POLQ: variants seen among roughly 807,000 people sequenced by gnomAD.
POLQ encodes DNA polymerase theta, also known as epididymis secretory sperm binding protein.
POLQ carries 233 observed loss-of-function variants against 259.2 expected under a neutral mutation model. The observed-to-expected ratio is 0.90, with a 90% confidence interval of 0.81 to 1.00. POLQ has a LOEUF of 1.00. Ranked by LOEUF, POLQ falls within the 50% of genes least tolerant of loss-of-function variation. The pLI, the probability that POLQ is intolerant of heterozygous loss-of-function variation, is 0.00. For synonymous variants in POLQ, 1,025 were observed against 1,048.8 expected (o/e 0.98, Z 0.44); for missense variants, 2,871 against 3,051.6 (o/e 0.94, Z 1.39).
At chr3:121,471,600 G>A (rs969036322) in intron 22 of POLQ, among the ~76,000 whole-genome samples, 3 of 152,030 alleles carry the variant, frequency 2.0e-5, no homozygotes, top group Non-Finnish European at 4.4e-5. Flanking sequence ...AAATTAGCCA[G>A]ATGTGGTGGT....
intron 20 of POLQ, among the ~76,000 whole-genome samples, chr3:121,473,880 C>T (rs1188072403): frequency 2.0e-5 from 3 of 152,050 alleles, no homozygotes; most frequent in Admixed American, 2.0e-4. Flanking sequence ...GCATGCACCA[C>T]CATGCCCACC....
chr3:121,523,603 T>C lies in POLQ; in HGVS notation c.1109-1454A>G, dbSNP rs979717778. Among the ~76,000 whole-genome samples the C allele has an allele frequency of 8.5e-5, 13 of 152,190 alleles. No homozygotes were observed. The East Asian group carries it at 2.5e-3, about 29-fold the overall frequency. ...GGTGGCATGCACCTATAGACCCAGC[T>C]ACTCGGGAGGCTGAAGTGGGAGGAT... On this transcript the variant is annotated intron_variant, in intron 7 of 29. Coordinates refer to ENST00000264233, the MANE Select transcript of POLQ (RefSeq NM_199420.4).
At chr3:121,501,350 T>C (rs2048166001) in intron 12 of POLQ, among the ~76,000 whole-genome samples, 1 of 151,936 alleles carries the variant, frequency 6.6e-6, no homozygotes, top group Non-Finnish European at 1.5e-5. Flanking sequence ...AAAATTTTGC[T>C]AGCAAATCCA....
intron 5 of POLQ, among the ~76,000 whole-genome samples, chr3:121,534,618 GC>G: frequency 6.6e-6 from 1 of 152,270 alleles, no homozygotes; most frequent in East Asian, 1.9e-4. Context: ...ACCATGCTTG[GC>G]CTTTTTTCTA....
At chr3:121,439,923 A>AAATACTAC (rs2047575824) in intron 27 of POLQ, 69 bp downstream of exon 27, 2 of 1,349,482 alleles carry the variant, frequency 1.5e-6, no homozygotes, top group African/African-American at 2.9e-5. Context: ...TATTTGTAGT[A>AAATACTAC]TTTACTCTGC....
chr3:121,432,903 G>A lies in POLQ; in HGVS notation c.7659+15C>T, dbSNP rs769207465. On this transcript the variant is annotated intron_variant, in intron 29 of 29. Transcript: ENST00000264233. ...TTGTCTTCCTATGGAATGGACACAA[G>A]CATTGCAAAAATACCTGAACAACAT... 1.5e-6 allele frequency: 2 copies of A among 1,359,866 alleles called. No homozygotes were observed. Among genetic ancestry groups the A allele is most frequent in the East Asian group, 2.3e-5 (1 of 43,736 alleles). The allele number at this position is 1,359,866 out of a possible 1,614,324, so 84.2% of individuals were successfully genotyped here. A position where few individuals can be genotyped will look rare whatever the true frequency, so the allele number is the denominator to read the frequency against.
At chr3:121,447,331 C>T (rs1023601272) in intron 26 of POLQ, among the ~76,000 whole-genome samples, 21 of 151,822 alleles carry the variant, frequency 1.4e-4, no homozygotes, top group East Asian at 1.9e-4. Context: ...TCATCATGCC[C>T]GGCTAATTTT....
At chr3:121,512,236 AT>A (rs1218324120) in intron 9 of POLQ, among the ~76,000 whole-genome samples, 1 of 152,218 alleles carries the variant, frequency 6.6e-6, no homozygotes, top group Non-Finnish European at 1.5e-5. Flanking sequence ...CAGCATAAGG[AT>A]TATTTTGAGC....
At chr3:121,435,647 A>G (rs2108772096) in intron 28 of POLQ, among the ~76,000 whole-genome samples, 1 of 152,352 alleles carries the variant, frequency 6.6e-6, no homozygotes, top group Admixed American at 6.5e-5. Flanking sequence ...TGAGACATGC[A>G]TCATCCCAGA....
intron 7 of POLQ, among the ~76,000 whole-genome samples, chr3:121,525,944 C>T (rs1214023538): frequency 1.3e-5 from 2 of 152,174 alleles, no homozygotes; most frequent in Non-Finnish European, 2.9e-5. Flanking sequence ...CATACCTCCA[C>T]CTTTTTTTGC....
In POLQ at chr3:121,449,393, T is replaced by A. The variant is rs2047655340; in HGVS notation, c.7186A>T (p.Lys2396Ter). Reference protein sequence around the residue: ...CYGIIYGMGAKSLGEQMGIKE... With the variant: ...CYGIIYGMGA ...ATGCCCATCTGCTCTCCCAAAGATT[T>A]AGCTCCCATTCCATAAATGATCCCA... Residue 2396 changes from lysine (K) to a stop codon, truncating the protein, a stop_gained, in exon 26 of 30, where the codon AAA becomes TAA. Transcript: ENST00000264233. LOFTEE classifies it high-confidence loss of function. 1 of 1,602,646 alleles carries A rather than the reference T, an allele frequency of 6.2e-7. No homozygotes were observed. Among genetic ancestry groups the A allele is most frequent in the African/African-American group, 1.3e-5 (1 of 74,690 alleles).
At chr3:121,474,946 A>G (rs2108791445) in intron 20 of POLQ, among the ~76,000 whole-genome samples, 1 of 152,308 alleles carries the variant, frequency 6.6e-6, no homozygotes, top group South Asian at 2.1e-4. Context: ...GTAAGTATAC[A>G]ATGTGGTGTG....
At chr3:121,464,463 A>T (rs143450965) in intron 24 of POLQ, among the ~76,000 whole-genome samples, 5,378 of 152,322 alleles carry the variant, frequency 0.035, 339 homozygotes, top group Admixed American at 0.17. Flanking sequence ...TACAATCAAC[A>T]TGTTATATAA....
chr3:121,472,780 A>C (rs1004105241), intron 21 of POLQ, among the ~76,000 whole-genome samples: 4 of 152,234 alleles, frequency 2.6e-5, no homozygotes, highest in African/African-American at 9.6e-5. Context: ...GGCAACTTGG[A>C]CAGCTCTGTG....
chr3:121,496,972 AC>A (rs766341612), intron 13 of POLQ, 40 bp from the exon 14 acceptor site: 2 of 1,607,562 alleles, frequency 1.2e-6, no homozygotes, highest in East Asian at 4.5e-5. Context: ...GAGATCCTTC[AC>A]GTCTACTAGG....
At chr3:121,494,871 A>T in intron 14 of POLQ, 1 of 1,584,992 alleles carries the variant, frequency 6.3e-7, no homozygotes, top group East Asian at 2.2e-5. Context: ...AAGCTCGAAA[A>T]GGCAAAGGCT....
intron 14 of POLQ, chr3:121,494,104 C>G: frequency 1.4e-6 from 1 of 713,182 alleles, no homozygotes; most frequent in African/African-American, 1.8e-5. Context: ...CTTCCCGCCA[C>G]CCAAGATGCC....
chr3:121,527,617 T>C (rs552798495), intron 7 of POLQ, among the ~76,000 whole-genome samples: 2 of 152,220 alleles, frequency 1.3e-5, no homozygotes, highest in Non-Finnish European at 2.9e-5. Context: ...TCCTTCTTTT[T>C]TTACAGTAGT....
intron 14 of POLQ, chr3:121,494,433 A>G: frequency 6.5e-7 from 1 of 1,540,236 alleles, no homozygotes; most frequent in Non-Finnish European, 8.9e-7. Flanking sequence ...TCAAGGCAAG[A>G]GAAGAAGCAG....
Sources: allele counts gnomAD v4.1 joint callset (sites outside exome capture counted in the v4.1 genomes callset), GRCh38; gene constraint gnomAD v4.1.1; transcripts MANE v1.5; gene names NCBI Gene and HGNC (gene_info 2026-07-23, HGNC 2026-07-21).